Variants in BRSK1 observed in about 807,000 individuals in gnomAD.
The protein encoded by BRSK1 is BR serine/threonine kinase 1.
In BRSK1, 17 loss-of-function variants were observed where a neutral mutation model predicts 86.2. The ratio of observed to expected loss-of-function variants is 0.20; its 90% CI spans 0.14 to 0.30. BRSK1 has a LOEUF of 0.30. BRSK1 is among the 10% of genes least tolerant of loss of function. BRSK1 has a pLI of 1.00. For missense variants in BRSK1, 719 were observed against 1,071.9 expected (o/e 0.67, Z 4.60); for synonymous variants, 464 against 440.1 (o/e 1.05, Z -0.68).
rs1332607963 is a variant in BRSK1 at position 55,306,597 on chromosome 19, G to A, written c.2089+147G>A. On this transcript the variant is annotated intron_variant, in intron 17 of 18. Transcript: ENST00000309383. The surrounding 1 kb of genome is among the most constrained non-coding windows in gnomAD (Gnocchi z 4.7). ...TCTCTGTGCTCCTCCTGCCCACACAGACCGCCCCACAAGCCCATCCTCTAT... is the reference window on the plus strand; with the variant it reads ...TCTCTGTGCTCCTCCTGCCCACACAAACCGCCCCACAAGCCCATCCTCTAT... 11 of 851,650 alleles carry A rather than the reference G, an allele frequency of 1.3e-5. No individual in the cohort carries two copies. The highest frequency in any genetic ancestry group is 2.0e-5 in the Non-Finnish European group (11 of 548,480). 52.8% of individuals were successfully genotyped at this position (851,650 alleles called of 1,614,324 possible). A position where few individuals can be genotyped will look rare whatever the true frequency, so the allele number is the denominator to read the frequency against.
intron 4 of BRSK1, among the ~76,000 whole-genome samples, chr19:55,292,148 A>G (rs952567385): frequency 6.6e-6 from 1 of 152,144 alleles, no homozygotes; most frequent in Non-Finnish European, 1.5e-5. Context: ...TATTCAACGT[A>G]TTTAACAAGT....
At position 55,304,782 on chromosome 19, in the gene BRSK1, A is replaced by G; in HGVS notation, c.1579A>G (p.Ser527Gly). 3 of 1,557,686 alleles carry G rather than the reference A, an allele frequency of 1.9e-6. No homozygotes were observed. The highest frequency in any genetic ancestry group is 1.4e-5 in the African/African-American group (1 of 72,906). Residue 527 changes from serine (S) to glycine (G), a missense_variant, in exon 14 of 19, where the codon AGT (serine) becomes GGT (glycine). This residue lies in a region of BRSK1 where 143 missense variants were observed against 120.1 expected (regional missense o/e 1.19). Transcript: ENST00000309383. The surrounding 1 kb of genome is among the most constrained non-coding windows in gnomAD (Gnocchi z 5.2). ...CTCGCCTCTGCACACGCCCCGGGCCAGTCCCACCGGGACCCCGGGGACAAC... is the reference window on the plus strand; with the variant it reads ...CTCGCCTCTGCACACGCCCCGGGCCGGTCCCACCGGGACCCCGGGGACAAC... ...LHSPLHTPRA[S>G]PTGTPGTTPP... is the part of the protein sequence containing the mutation.
intron 4 of BRSK1, among the ~76,000 whole-genome samples, chr19:55,292,825 C>T (rs1316970696): frequency 7.1e-6 from 1 of 140,484 alleles, no homozygotes. Context: ...CAGAGTGAGA[C>T]TCTGTCTCAA....
In BRSK1 at chr19:55,301,936, G is replaced by A. The variant is rs71367169; in HGVS notation, c.826-201G>A. 15 of 804,368 alleles carry A rather than the reference G, an allele frequency of 1.9e-5. No homozygotes were observed. The East Asian group carries it at 2.4e-4, about 13-fold the overall frequency. 49.8% of individuals were successfully genotyped at this position (804,368 alleles called of 1,614,324 possible). A position where few individuals can be genotyped will look rare whatever the true frequency, so the allele number is the denominator to read the frequency against. On this transcript the variant is annotated intron_variant, in intron 8 of 18. Coordinates refer to ENST00000309383, the MANE Select transcript of BRSK1 (RefSeq NM_032430.2). ...GCGCATGCGGCAAAGTAATGCGGCC[G>A]GTCCGGGGTACACGGAGACCGCGCG...
In BRSK1 at chr19:55,303,469, C is replaced by T. The variant is rs1048225160; in HGVS notation, c.1126+61C>T. 1.0e-5 allele frequency: 16 copies of T among 1,558,244 alleles called. No individual in the cohort carries two copies. Among genetic ancestry groups the T allele is most frequent in the Non-Finnish European group, 1.3e-5 (15 of 1,130,798 alleles). On this transcript the variant is annotated intron_variant, in intron 11 of 18. Transcript: ENST00000309383. The surrounding 1 kb of genome is among the most constrained non-coding windows in gnomAD (Gnocchi z 5.1). ...TCTCGAGATTGGAAGAGGCTGGCCA[C>T]GGGGACCCCAGATTCCCAAGGAAAG...
intron 7 of BRSK1, among the ~76,000 whole-genome samples, chr19:55,300,119 T>C (rs2088549550): frequency 6.6e-6 from 1 of 151,916 alleles, no homozygotes; most frequent in South Asian, 2.1e-4. Context: ...GAGTGTCGAG[T>C]GTGTGTCAGG....
chr19:55,301,937 G>C, intron 8 of BRSK1, 200 bp from the exon 9 acceptor site: 1 of 815,700 alleles, frequency 1.2e-6, no homozygotes, highest in East Asian at 2.4e-5. Context: ...AATGCGGCCG[G>C]TCCGGGGTAC....
At position 55,303,169 on chromosome 19, in the gene BRSK1, C is replaced by CT; in HGVS notation, c.1029-142_1029-141insT. On this transcript the variant is annotated intron_variant, in intron 10 of 18. Transcript: ENST00000309383. This position sits in a 1 kb window ranked among gnomAD's most constrained non-coding sequence, Gnocchi z 5.1. ...AACACAGCTGAGATGTACCCTAAAC[C>CT]AGAGAAACTGACCATACTGATACCT... 1.4e-6 allele frequency: 1 copy of CT among 697,674 alleles called. No homozygotes were observed. The highest frequency in any genetic ancestry group is 2.4e-6 in the Non-Finnish European group (1 of 412,418). The allele number at this position is 697,674 out of a possible 1,614,324, so 43.2% of individuals were successfully genotyped here.
In BRSK1 at chr19:55,304,274, C is replaced by T. The variant is rs1037278692; in HGVS notation, c.1347+164C>T. Among the ~76,000 whole-genome samples, 26 of 152,162 alleles carry T rather than the reference C, an allele frequency of 1.7e-4. No individual in the cohort carries two copies. The highest frequency in any genetic ancestry group is 1.4e-3 in the Admixed American group (22 of 15,270). On this transcript the variant is annotated intron_variant, in intron 13 of 18. Transcript: ENST00000309383. This position sits in a 1 kb window ranked among gnomAD's most constrained non-coding sequence, Gnocchi z 5.2. ...CTCCAAAGTATTTTGGTCCATTGGC[C>T]ATTTCTACCTCCTTAGGATTGCATG...
In BRSK1 at chr19:55,304,234, C is replaced by A; in HGVS notation, c.1347+124C>A. The A allele has an allele frequency of 1.9e-6, 2 of 1,042,840 alleles. No individual in the cohort carries two copies. The highest frequency in any genetic ancestry group is 2.7e-6 in the Non-Finnish European group (2 of 729,008). 64.6% of individuals were successfully genotyped at this position (1,042,840 alleles called of 1,614,324 possible). ...GACTTGCTTCTTTGTCCCTGGAGGG[C>A]CAAAGACCCAAGGCCTCCAAAGTAT... On this transcript the variant is annotated intron_variant, in intron 13 of 18. Transcript: ENST00000309383. This position sits in a 1 kb window ranked among gnomAD's most constrained non-coding sequence, Gnocchi z 5.2.
chr19:55,284,234 G>A lies in BRSK1; in HGVS notation c.-209G>A. The stretch of plus-strand genomic sequence containing the variant: ...CCCCCTGGGCCATGCTGACTCCCGG[G>A]GCCTGACCCCCCCGGGCCAGCCCCC... On this transcript the variant is annotated 5_prime_UTR_variant, in exon 1 of 19. Coordinates refer to ENST00000309383, the MANE Select transcript of BRSK1 (RefSeq NM_032430.2). The A allele has an allele frequency of 1.8e-6, 1 of 543,212 alleles. No individual in the cohort carries two copies. Among genetic ancestry groups the A allele is most frequent in the Non-Finnish European group, 2.8e-6 (1 of 363,360 alleles). The allele number at this position is 543,212 out of a possible 1,614,324, so 33.6% of individuals were successfully genotyped here.
Position 55,305,383 on chromosome 19 carries a change from G to A in BRSK1, c.1766+14G>A, listed in dbSNP as rs2088634392. The A allele has an allele frequency of 6.2e-7, 1 of 1,614,184 alleles. No homozygotes were observed. Among genetic ancestry groups the A allele is most frequent in the Non-Finnish European group, 8.5e-7 (1 of 1,180,016 alleles). On this transcript the variant is annotated intron_variant, in intron 15 of 18. Transcript: ENST00000309383. The stretch of plus-strand genomic sequence containing the variant: ...GTCCTCCCCGGAGTGAGTCTCACAG[G>A]GAAGGAAAGAGTGGGGATGCAGGGG...
At chr19:55,296,741 G>T (rs913188081) in intron 7 of BRSK1, among the ~76,000 whole-genome samples, 2 of 151,992 alleles carry the variant, frequency 1.3e-5, no homozygotes, top group East Asian at 1.9e-4. Context: ...CCAGCTACTC[G>T]GGAGGCTGAG....
chr19:55,308,636 T>TA lies in BRSK1; in HGVS notation c.2090-2dup, dbSNP rs776672241. ...GTGTTTTTCTGCCCGCCTGTGCCTC[T>TA]AGGTCCCAGCCGTCGGTTCAAGCGA... On this transcript the variant is annotated splice_region_variant and splice_polypyrimidine_tract_variant and intron_variant, in intron 17 of 18. Transcript: ENST00000309383. 1.8e-4 allele frequency: 294 copies of TA among 1,608,880 alleles called. 2 individuals carry two copies. Among genetic ancestry groups the TA allele is most frequent in the Middle Eastern group, 1.7e-4 (1 of 6,060 alleles).
In BRSK1 at chr19:55,311,950, C is replaced by T. The variant is rs544673852; in HGVS notation, c.2219C>T (p.Pro740Leu). ...NGAQTRPAGA[P>L]PRSLQPPPGR... ...GCCCAGACCCGGCCTGCTGGTGCCC[C>T]ACCCCGAAGCCTGCAGCCCCCACCC... Residue 740 changes from proline to leucine, a missense_variant, in exon 19 of 19, where the codon CCA becomes CTA. Pro to Leu is a moderately conservative substitution (Grantham distance 98, BLOSUM62 -3). Around this residue, in one of 6 missense-constraint regions of BRSK1, gnomAD observed 82 missense variants for 72.6 expected, o/e 1.13. Transcript: ENST00000309383. 2.5e-6 allele frequency: 4 copies of T among 1,610,344 alleles called. No homozygotes were observed. In the South Asian group the frequency reaches 3.3e-5, roughly 13 times the overall value.
chr19:55,292,864 C>G (rs977821767), intron 4 of BRSK1, among the ~76,000 whole-genome samples: 25 of 151,210 alleles, frequency 1.7e-4, no homozygotes, highest in Admixed American at 7.2e-4. Flanking sequence ...TTTCCAAAGC[C>G]AGACATGGTG....
intron 4 of BRSK1, among the ~76,000 whole-genome samples, chr19:55,293,618 C>A (rs2088441497): frequency 6.6e-6 from 1 of 152,006 alleles, no homozygotes; most frequent in Non-Finnish European, 1.5e-5. Flanking sequence ...CAAGACCAGC[C>A]TGGCCAGCAT....
In BRSK1 at chr19:55,303,301, C is replaced by G. The variant is rs759600587; in HGVS notation, c.1029-10C>G. On this transcript the variant is annotated splice_polypyrimidine_tract_variant and intron_variant, in intron 10 of 18. Coordinates refer to ENST00000309383, the MANE Select transcript of BRSK1 (RefSeq NM_032430.2). The surrounding 1 kb of genome is among the most constrained non-coding windows in gnomAD (Gnocchi z 5.1). ...CTACCTCTTTCCACCTTTCCCACCC[C>G]CTGCCTTAGGGAGAACCAAGAAAAG... 3.7e-6 allele frequency: 6 copies of G among 1,610,440 alleles called. No individual in the cohort carries two copies. Among genetic ancestry groups the G allele is most frequent in the Admixed American group, 1.7e-5 (1 of 59,998 alleles).
At position 55,306,444 on chromosome 19, in the gene BRSK1, A is replaced by G. The variant is rs1475493580; in HGVS notation, c.2083A>G (p.Ile695Val). The G allele has an allele frequency of 5.0e-6, 8 of 1,610,334 alleles. No individual in the cohort carries two copies. The highest frequency in any genetic ancestry group is 2.2e-5 in the South Asian group (2 of 90,998). The change falls in exon 17 of 19, where the codon ATC (isoleucine) becomes GTC (valine). Residue 695 changes from isoleucine (I) to valine (V), a missense_variant. By Grantham distance (29) the Ile-to-Val change is conservative. Coordinates refer to ENST00000309383, the MANE Select transcript of BRSK1 (RefSeq NM_032430.2). The surrounding 1 kb of genome is among the most constrained non-coding windows in gnomAD (Gnocchi z 4.7). ...CATCTACTCCGTCACCTTCACTCTC[A>G]TCTCGGGTGAGTCTCTTGGCTAGGC... is the stretch of plus-strand genomic sequence containing the variant. ...GGIYSVTFTL[I>V]SGPSRRFKRV... is the part of the protein sequence containing the mutation.
Sources: gnomAD v4.1 joint callset for allele counts (sites outside exome capture counted in the v4.1 genomes callset) on GRCh38, gnomAD v4.1.1 for gene constraint, gnomAD v4.1.1 regional missense constraint, Gnocchi (gnomAD v3.1) non-coding constraint, MANE v1.5 for transcripts, NCBI Gene and HGNC (gene_info 2026-07-23, HGNC 2026-07-21) for gene names.